The following ZMYM4 variants were observed in gnomAD, a reference collection of about 807,000 sequenced individuals.
ZMYM4 encodes the protein zinc finger MYM-type protein 4.
ZMYM4 carries 31 observed loss-of-function variants against 183.2 expected under a neutral mutation model. That is an observed-to-expected ratio of 0.17 (90% CI 0.13 to 0.23). The LOEUF (loss-of-function observed/expected upper bound fraction) is 0.23. Among genes scored for constraint, ZMYM4 ranks in the 10% least tolerant of loss-of-function variants. ZMYM4 has a pLI of 1.00. For synonymous variants in ZMYM4, 592 were observed against 631.2 expected (o/e 0.94, Z 0.93); for missense variants, 1,273 against 1,840.3 (o/e 0.69, Z 5.64).
At chr1:35,333,214 A>T (rs1642829731) in intron 2 of ZMYM4, among the ~76,000 whole-genome samples, 2 of 151,902 alleles carry the variant, frequency 1.3e-5, no homozygotes, top group Admixed American at 1.3e-4. Context: ...AACTATTTCC[A>T]GTAATACATA....
intron 1 of ZMYM4, among the ~76,000 whole-genome samples, chr1:35,323,747 G>C (rs1267488092): frequency 1.3e-5 from 2 of 151,766 alleles, no homozygotes; most frequent in Admixed American, 6.6e-5. Context: ...TAGAGACGGG[G>C]TTTCACCATA....
chr1:35,418,447 A>T lies in ZMYM4; in HGVS notation c.4314A>T (p.Lys1438Asn). 6.2e-7 allele frequency: 1 copy of T among 1,613,776 alleles called. No individual in the cohort carries two copies. Among genetic ancestry groups the T allele is most frequent in the Non-Finnish European group, 8.5e-7 (1 of 1,179,892 alleles). The part of the protein sequence containing the change: ...PLQKQESEPD[K>N]LTVGKRKRNE... The stretch of plus-strand genomic sequence containing the variant: ...ATTATTATTTCCTGTCTCAAGATAA[A>T]CTGACTGTTGGCAAGAGGAAACGAA... The change falls in exon 29 of 30, where the codon AAA becomes AAT. Residue 1438 changes from lysine (K) to asparagine (N), a missense_variant. Lys to Asn is a moderately conservative substitution (Grantham distance 94). Transcript: ENST00000314607.
chr1:35,340,189 G>A (rs941925249), intron 2 of ZMYM4, among the ~76,000 whole-genome samples: 2 of 132,016 alleles, frequency 1.5e-5, no homozygotes, highest in Non-Finnish European at 3.4e-5. Context: ...GAGAGAAGTG[G>A]CATTGTGTCT....
intron 9 of ZMYM4, among the ~76,000 whole-genome samples, chr1:35,384,213 A>G (rs1644524830): frequency 6.6e-6 from 1 of 152,210 alleles, no homozygotes; most frequent in South Asian, 2.1e-4. Context: ...TGAGACTATC[A>G]GCAGAAGCTT....
intron 15 of ZMYM4, 145 bp from the exon 16 acceptor site, chr1:35,392,067 C>T: frequency 1.9e-6 from 2 of 1,058,134 alleles, no homozygotes; most frequent in South Asian, 3.2e-5. Flanking sequence ...AGAAGAAAAC[C>T]AAAACCCAGT....
chr1:35,348,574 A>G (rs577904778), intron 2 of ZMYM4, among the ~76,000 whole-genome samples: 85 of 152,358 alleles, frequency 5.6e-4, no homozygotes, highest in African/African-American at 2.0e-3. Flanking sequence ...ATTAATAACT[A>G]TGATTCTTTT....
rs189611391 is a variant in ZMYM4, at chr1:35,414,836, C to T, written c.4061-630C>T. 3.9e-5 allele frequency among the ~76,000 whole-genome samples: 6 copies of T among 152,084 alleles called. No individual in the cohort carries two copies. In the East Asian group the frequency reaches 1.2e-3, roughly 29 times the overall value. ...CTGAGGCAGGAGGATCACTTGAGCC[C>T]AGGAGTTCAAGATCAGCCTGGGCAA... On this transcript the variant is annotated intron_variant, in intron 27 of 29. Transcript: ENST00000314607.
chr1:35,294,752 G>C (rs1271767082), intron 1 of ZMYM4, among the ~76,000 whole-genome samples: 1 of 152,102 alleles, frequency 6.6e-6, no homozygotes, highest in African/African-American at 2.4e-5. Flanking sequence ...GAAAATGTAG[G>C]TAAATATCTT....
At chr1:35,355,200 CTTTTTT>C (rs1013941289) in intron 2 of ZMYM4, among the ~76,000 whole-genome samples, 69 of 77,198 alleles carry the variant, frequency 8.9e-4, no homozygotes, top group East Asian at 2.9e-3. Flanking sequence ...CGCCTGGCTT[CTTTTTT>C]TTTTTTTTTT....
chr1:35,345,607 C>T (rs1338189946), intron 2 of ZMYM4, among the ~76,000 whole-genome samples: 3 of 151,958 alleles, frequency 2.0e-5, no homozygotes, highest in African/African-American at 7.3e-5. Flanking sequence ...GCCACTTCAC[C>T]GGCTAATTTT....
chr1:35,350,985 G>A, intron 2 of ZMYM4: 2 of 819,354 alleles, frequency 2.4e-6, no homozygotes, highest in South Asian at 1.6e-5. Flanking sequence ...TGGTTTGAAG[G>A]TTGGCCTGAC....
chr1:35,283,740 A>G (rs1200562827), intron 1 of ZMYM4, among the ~76,000 whole-genome samples: 1 of 152,078 alleles, frequency 6.6e-6, no homozygotes, highest in Non-Finnish European at 1.5e-5. Context: ...TGTTCTCTGG[A>G]GAAATGTTAT....
chr1:35,322,841 C>T (rs1642343090), intron 1 of ZMYM4, among the ~76,000 whole-genome samples: 1 of 151,952 alleles, frequency 6.6e-6, no homozygotes, highest in Non-Finnish European at 1.5e-5. Flanking sequence ...AGGTGTGTGC[C>T]ACCATGCCCG....
chr1:35,337,032 C>A (rs1643001450), intron 2 of ZMYM4, among the ~76,000 whole-genome samples: 1 of 152,126 alleles, frequency 6.6e-6, no homozygotes, highest in South Asian at 2.1e-4. Context: ...TTTACTGAGG[C>A]CTCTCCAGCC....
chr1:35,393,564 GT>G, intron 17 of ZMYM4, 30 bp from the exon 18 acceptor site: 9 of 1,547,866 alleles, frequency 5.8e-6, no homozygotes, highest in South Asian at 1.3e-5. Context: ...TTTTAAAAAT[GT>G]TTTTGGTTTC....
chr1:35,390,840 G>T (rs140480801), intron 15 of ZMYM4, among the ~76,000 whole-genome samples: 9 of 152,298 alleles, frequency 5.9e-5, no homozygotes, highest in African/African-American at 2.2e-4. Context: ...TATAACAAAA[G>T]ACATAAAGTC....
At position 35,385,429 on chromosome 1, in the gene ZMYM4, A is replaced by G; in HGVS notation, c.1570-13A>G. 1 of 1,600,418 alleles carries G rather than the reference A, an allele frequency of 6.2e-7. No homozygotes were observed. ...ATTTGTTAAAAATGAATGTTGTTTT[A>G]TTCTCTTAATAGAAATCAGCCAAAA... On this transcript the variant is annotated splice_polypyrimidine_tract_variant and intron_variant, in intron 9 of 29. Transcript: ENST00000314607.
chr1:35,302,568 G>A (rs954639812), intron 1 of ZMYM4, among the ~76,000 whole-genome samples: 1 of 151,598 alleles, frequency 6.6e-6, no homozygotes, highest in African/African-American at 2.4e-5. Context: ...TGTATTTTTA[G>A]TAGAGACAGG....
At chr1:35,360,554 A>G (rs898933524) in intron 3 of ZMYM4, among the ~76,000 whole-genome samples, 2 of 152,088 alleles carry the variant, frequency 1.3e-5, no homozygotes, top group African/African-American at 4.8e-5. Flanking sequence ...TATATTTCCA[A>G]TATCCCTTCT....
Sources: allele counts gnomAD v4.1 joint callset (sites outside exome capture counted in the v4.1 genomes callset), GRCh38; gene constraint gnomAD v4.1.1; transcripts MANE v1.5; gene names NCBI Gene and HGNC (gene_info 2026-07-23, HGNC 2026-07-21).